ABLIM1: variants seen among roughly 807,000 people sequenced by gnomAD.
ABLIM1 encodes the protein actin binding LIM protein 1, also known as actin-binding LIM protein 1.
In ABLIM1, 40 loss-of-function variants were observed where a neutral mutation model predicts 107.0. The observed-to-expected ratio is 0.37, with a 90% CI of 0.29 to 0.49. The LOEUF is 0.49. Among genes scored for constraint, ABLIM1 ranks in the 20% least tolerant of loss-of-function variants. The pLI is 0.97. For synonymous variants in ABLIM1, 357 were observed against 357.3 expected, an observed-to-expected ratio of 1.00 and a Z score of 0.01; for missense variants, 857 against 1,008.5, an observed-to-expected ratio of 0.85 and a Z score of 2.04.
chr10:114,723,807 G>T (rs2142070359), intron 1 of ABLIM1, among the ~76,000 whole-genome samples: 1 of 152,296 alleles, frequency 6.6e-6, no homozygotes, highest in Non-Finnish European at 1.5e-5. Context: ...GTAACTAACT[G>T]ATAAATATGC....
At chr10:114,757,988 T>G (rs1242023879) in intron 1 of ABLIM1, among the ~76,000 whole-genome samples, 1 of 151,972 alleles carries the variant, frequency 6.6e-6, no homozygotes, top group Non-Finnish European at 1.5e-5. Flanking sequence ...GAATTGCTCA[T>G]CTCACTGCCT....
chr10:114,445,460 C>A, intron 15 of ABLIM1, 57 bp from the exon 16 acceptor site: 2 of 1,418,372 alleles, frequency 1.4e-6, no homozygotes, highest in South Asian at 1.1e-5. Flanking sequence ...GGAATCTTAA[C>A]GGGCTAGTCC....
intron 2 of ABLIM1, among the ~76,000 whole-genome samples, chr10:114,577,940 AC>A (rs2072803262): frequency 6.6e-6 from 1 of 152,144 alleles, no homozygotes; most frequent in South Asian, 2.1e-4. Context: ...CTGAAAATGG[AC>A]CAGCTGTCAC....
In ABLIM1 at chr10:114,598,274, CA is replaced by C. The variant is rs58133284; in HGVS notation, c.379+3552del. On this transcript the variant is annotated intron_variant, in intron 2 of 22. Coordinates refer to ENST00000533213, the MANE Select transcript of ABLIM1 (RefSeq NM_002313.7). ...GGGCAACAAGAGTGAAACTCCATCT[CA>C]AAAAAAAAAAAAAAAAAAAAGGAAA... 1.4e-3 allele frequency among the ~76,000 whole-genome samples: 87 copies of C among 63,812 alleles called. 2 individuals are homozygous for C. Among genetic ancestry groups the C allele is most frequent in the East Asian group, 8.7e-3 (18 of 2,060 alleles). 41.9% of individuals were successfully genotyped at this position (63,812 alleles called of 152,430 possible).
chr10:114,615,157 G>GTGC (rs2077051801), intron 1 of ABLIM1, among the ~76,000 whole-genome samples: 1 of 151,986 alleles, frequency 6.6e-6, no homozygotes, highest in Non-Finnish European at 1.5e-5. Flanking sequence ...GCAACAACCA[G>GTGC]AATGATCTTT....
chr10:114,472,935 G>A, intron 10 of ABLIM1, 42 bp downstream of exon 10: 3 of 1,470,148 alleles, frequency 2.0e-6, no homozygotes, highest in Non-Finnish European at 1.8e-6. Flanking sequence ...CAAAAGGGAA[G>A]GTAAATTGTT....
intron 1 of ABLIM1, among the ~76,000 whole-genome samples, chr10:114,608,739 G>T (rs1459676428): frequency 6.6e-6 from 1 of 152,086 alleles, no homozygotes; most frequent in African/African-American, 2.4e-5. Context: ...CAAAGGCTGG[G>T]CACGGTGGCT....
chr10:114,658,325 A>T (rs370784062), upstream of ABLIM1: 358 of 1,486,930 alleles, frequency 2.4e-4, 4 homozygotes, highest in South Asian at 4.7e-3. Context: ...AGCAAAGAAG[A>T]TTAAGGGAGA....
In ABLIM1 at chr10:114,517,111, A is replaced by G. The variant is rs569669087; in HGVS notation, c.895-25233T>C. Among the ~76,000 whole-genome samples, 17 of 152,172 alleles carry G rather than the reference A, an allele frequency of 1.1e-4. No individual in the cohort carries two copies. The East Asian group carries it at 3.3e-3, about 29-fold the overall frequency. ...AAAAACCTGAGAGGGAAGAGCAAGC[A>G]CTCCGATTTTTAGATGGGAGGGCAT... On this transcript the variant is annotated intron_variant, in intron 6 of 22. Coordinates refer to ENST00000533213, the MANE Select transcript of ABLIM1 (RefSeq NM_002313.7).
chr10:114,749,450 C>CACACACACACA, intron 1 of ABLIM1, among the ~76,000 whole-genome samples: 1 of 141,600 alleles, frequency 7.1e-6, no homozygotes, highest in East Asian at 2.0e-4. Flanking sequence ...AACACACACA[C>CACACACACACA]CACACACACA....
intron 6 of ABLIM1, among the ~76,000 whole-genome samples, chr10:114,528,216 T>C (rs908602060): frequency 6.6e-6 from 1 of 151,980 alleles, no homozygotes; most frequent in Admixed American, 6.6e-5. Flanking sequence ...GTGATCCTCC[T>C]GCCTCAGCCT....
At chr10:114,681,082 G>A (rs2080727645) in intron 1 of ABLIM1, among the ~76,000 whole-genome samples, 1 of 152,190 alleles carries the variant, frequency 6.6e-6, no homozygotes, top group Non-Finnish European at 1.5e-5. Flanking sequence ...TCAGTGAAGT[G>A]GCTGATTAAT....
chr10:114,551,352 G>A (rs925872084), intron 4 of ABLIM1, among the ~76,000 whole-genome samples: 2 of 152,252 alleles, frequency 1.3e-5, no homozygotes, highest in African/African-American at 4.8e-5. Flanking sequence ...AAAGACCACT[G>A]TTAGGGGATA....
At chr10:114,591,449 A>G (rs1306566986) in intron 2 of ABLIM1, among the ~76,000 whole-genome samples, 1 of 152,228 alleles carries the variant, frequency 6.6e-6, no homozygotes, top group East Asian at 1.9e-4. Context: ...CAAATATTAA[A>G]TGGTATAATT....
intron 1 of ABLIM1, among the ~76,000 whole-genome samples, chr10:114,603,637 TAA>T (rs869124405): frequency 7.2e-5 from 10 of 139,464 alleles, no homozygotes; most frequent in East Asian, 2.1e-4. Flanking sequence ...CCTTGCACAT[TAA>T]AAAAAAAAAA....
At chr10:114,627,979 G>A (rs4751620) in intron 1 of ABLIM1, among the ~76,000 whole-genome samples, 13,189 of 152,116 alleles carry the variant, frequency 0.087, 720 homozygotes, top group Middle Eastern at 0.13. Context: ...AAAATTAGCC[G>A]GGCGTGGTGG....
At chr10:114,450,354 G>T (rs943573338) in intron 14 of ABLIM1, among the ~76,000 whole-genome samples, 3 of 149,072 alleles carry the variant, frequency 2.0e-5, no homozygotes, top group Non-Finnish European at 4.4e-5. Context: ...CCTGATTTTG[G>T]TCTAAAATTT....
intron 5 of ABLIM1, 73 bp downstream of exon 5, chr10:114,547,577 A>G: frequency 4.4e-6 from 7 of 1,588,000 alleles, no homozygotes; most frequent in Non-Finnish European, 6.0e-6. Flanking sequence ...GGGGCCCCTG[A>G]GACCAGGACC....
chr10:114,596,207 T>G (rs1480552840), intron 2 of ABLIM1, among the ~76,000 whole-genome samples: 6 of 152,160 alleles, frequency 3.9e-5, no homozygotes, highest in African/African-American at 1.4e-4. Context: ...GCTCTCCCCA[T>G]CTCCATTCTA....
Sources: allele counts gnomAD v4.1 joint callset (sites outside exome capture counted in the v4.1 genomes callset), GRCh38; gene constraint gnomAD v4.1.1; transcripts MANE v1.5; gene names NCBI Gene and HGNC (gene_info 2026-07-23, HGNC 2026-07-21).